Variants in GRM4 observed in about 807,000 individuals in gnomAD.
The protein encoded by GRM4 is glutamate metabotropic receptor 4.
In GRM4, 28 loss-of-function variants were observed where a neutral mutation model predicts 81.7. The observed-to-expected ratio is 0.34, with a 90% CI of 0.25 to 0.47. The LOEUF (loss-of-function observed/expected upper bound fraction) is 0.47. Among genes scored for constraint, GRM4 ranks in the 20% least tolerant of loss-of-function variants. The probability of loss-of-function intolerance (pLI) is 1.00; values close to 1 mark genes in which losing one functional copy is unlikely to be tolerated. For synonymous variants in GRM4, 488 were observed against 528.8 expected, an observed-to-expected ratio of 0.92 and a Z score of 1.06; for missense variants, 948 against 1,290.0, an observed-to-expected ratio of 0.73 and a Z score of 4.06.
Position 34,064,209 on chromosome 6 carries a change from G to A in GRM4, c.737-2181C>T, listed in dbSNP as rs775468788. 7.2e-5 allele frequency among the ~76,000 whole-genome samples: 11 copies of A among 152,142 alleles called. No homozygotes were observed. Among genetic ancestry groups the A allele is most frequent in the South Asian group, 2.1e-4 (1 of 4,820 alleles). On this transcript the variant is annotated intron_variant, in intron 3 of 10. Coordinates refer to ENST00000538487, the MANE Select transcript of GRM4 (RefSeq NM_000841.4). The surrounding 1 kb of genome is among the most constrained non-coding windows in gnomAD (Gnocchi z 4.4). ...TTCAGACCAGAAGGGAGTGCGGGGGGCGGGGGTGTGCAGAGCTCCGTAATA... is the reference window on the plus strand; with the variant it reads ...TTCAGACCAGAAGGGAGTGCGGGGGACGGGGGTGTGCAGAGCTCCGTAATA...
In GRM4 at chr6:34,138,873, T is replaced by C. The variant is rs553757314; in HGVS notation, c.-363-5014A>G. 1.7e-3 allele frequency among the ~76,000 whole-genome samples: 261 copies of C among 152,338 alleles called. 1 individual carries two copies. Among genetic ancestry groups the C allele is most frequent in the South Asian group, 6.8e-3 (33 of 4,832 alleles). Reference sequence around the variant, plus strand: ...CTCTCGTTCAAGTAATCTATCTCTGTGTTTAAGGCCCCTTCCATAAGCAAC... The same window carrying C: ...CTCTCGTTCAAGTAATCTATCTCTGCGTTTAAGGCCCCTTCCATAAGCAAC... On this transcript the variant is annotated intron_variant, in intron 1 of 10. Coordinates refer to ENST00000538487, the MANE Select transcript of GRM4 (RefSeq NM_000841.4).
chr6:34,115,210 C>T lies in GRM4; in HGVS notation c.519+17768G>A, dbSNP rs1309235145. Among the ~76,000 whole-genome samples the T allele has an allele frequency of 1.3e-5, 2 of 152,206 alleles. No individual in the cohort carries two copies. The highest frequency in any genetic ancestry group is 2.1e-4 in the South Asian group (1 of 4,826). ...ACCAGCCAGAACAGCAGCTCCTGGC[C>T]CACTCCACAGCTTGCATGTGTGCGT... On this transcript the variant is annotated intron_variant, in intron 2 of 10. Transcript: ENST00000538487. This position sits in a 1 kb window ranked among gnomAD's most constrained non-coding sequence, Gnocchi z 4.1.
chr6:34,094,598 C>G (rs2127488548), intron 2 of GRM4, among the ~76,000 whole-genome samples: 1 of 152,320 alleles, frequency 6.6e-6, no homozygotes, highest in East Asian at 1.9e-4. Context: ...CCTTTGCACT[C>G]TTCACACTGT....
chr6:34,023,482 G>A (rs751599424), intron 10 of GRM4, among the ~76,000 whole-genome samples: 9 of 152,012 alleles, frequency 5.9e-5, no homozygotes, highest in Non-Finnish European at 1.2e-4. Context: ...AGAAACTGAG[G>A]CATGCGATTG....
At chr6:34,046,349 C>T (rs1050025035) in intron 6 of GRM4, among the ~76,000 whole-genome samples, 31 of 152,306 alleles carry the variant, frequency 2.0e-4, no homozygotes, top group African/African-American at 6.0e-4. Context: ...ACATTTAACA[C>T]GACACTAATA....
At chr6:34,027,995 C>T in intron 10 of GRM4, 125 bp downstream of exon 10, 1 of 1,124,176 alleles carries the variant, frequency 8.9e-7, no homozygotes, top group Non-Finnish European at 1.2e-6. Context: ...CCAGTGTCCC[C>T]CGCCGCCTCC....
Position 34,094,082 on chromosome 6 carries a change from T to C in GRM4, c.520-1983A>G, listed in dbSNP as rs191422196. On this transcript the variant is annotated intron_variant, in intron 2 of 10. Transcript: ENST00000538487. ...CAGCTGTGAAAAGGAATGAGGCTGA[T>C]TTCCAGGCACTGCTCTGGGTGGGTC... 9.8e-5 allele frequency among the ~76,000 whole-genome samples: 15 copies of C among 152,304 alleles called. No homozygotes were observed. In the East Asian group the frequency reaches 2.9e-3, roughly 29 times the overall value.
At position 34,068,728 on chromosome 6, in the gene GRM4, C is replaced by T. The variant is rs1180479928; in HGVS notation, c.737-6700G>A. 6.6e-6 allele frequency among the ~76,000 whole-genome samples: 1 copy of T among 152,154 alleles called. No individual in the cohort carries two copies. Among genetic ancestry groups the T allele is most frequent in the Non-Finnish European group, 1.5e-5 (1 of 68,028 alleles). ...CGGCTTGTGCCCTGCCTCACCCACTCCCTGCTGTGGGGAGACAGTCAGGGG... is the reference window on the plus strand; with the variant it reads ...CGGCTTGTGCCCTGCCTCACCCACTTCCTGCTGTGGGGAGACAGTCAGGGG... On this transcript the variant is annotated intron_variant, in intron 3 of 10. Coordinates refer to ENST00000538487, the MANE Select transcript of GRM4 (RefSeq NM_000841.4). The surrounding 1 kb of genome is among the most constrained non-coding windows in gnomAD (Gnocchi z 4.2).
At chr6:34,024,682 G>A (rs1764045899) in intron 10 of GRM4, 1 of 455,864 alleles carries the variant, frequency 2.2e-6, no homozygotes. Context: ...CTCCTGGCCA[G>A]AGTTGGGTGG....
intron 1 of GRM4, among the ~76,000 whole-genome samples, chr6:34,153,516 G>C (rs1771088334): frequency 6.6e-6 from 1 of 152,266 alleles, no homozygotes; most frequent in African/African-American, 2.4e-5. Context: ...GAACACTGCA[G>C]AGGTCATGGC....
intron 2 of GRM4, among the ~76,000 whole-genome samples, chr6:34,118,826 G>A (rs1461540903): frequency 6.6e-6 from 1 of 152,130 alleles, no homozygotes; most frequent in East Asian, 1.9e-4. Flanking sequence ...CCACCTCCTG[G>A]TTCAACAGCA....
At chr6:34,052,418 C>A (rs1396512934) in intron 6 of GRM4, among the ~76,000 whole-genome samples, 1 of 152,240 alleles carries the variant, frequency 6.6e-6, no homozygotes, top group Non-Finnish European at 1.5e-5. Context: ...TGAATGAAAT[C>A]TTCCCAAGTG....
chr6:34,139,726 G>A (rs1038880231), intron 1 of GRM4, among the ~76,000 whole-genome samples: 28 of 152,246 alleles, frequency 1.8e-4, no homozygotes, highest in African/African-American at 6.3e-4. Context: ...CCTGCCCAGA[G>A]CAAAGCCCAG....
At chr6:34,033,239 G>C (rs1268855747) in intron 9 of GRM4, among the ~76,000 whole-genome samples, 2 of 152,196 alleles carry the variant, frequency 1.3e-5, no homozygotes, top group Non-Finnish European at 2.9e-5. Flanking sequence ...TCAGATCTCA[G>C]ATCTTAGGAC....
At chr6:34,030,097 T>C (rs1764339239) in intron 9 of GRM4, among the ~76,000 whole-genome samples, 3 of 152,344 alleles carry the variant, frequency 2.0e-5, no homozygotes, top group Admixed American at 6.5e-5. Context: ...CCGTCTCTCC[T>C]GCCCAAACTG....
intron 2 of GRM4, among the ~76,000 whole-genome samples, chr6:34,124,187 G>A (rs571503000): frequency 3.9e-4 from 60 of 152,228 alleles, no homozygotes; most frequent in African/African-American, 1.1e-3. Flanking sequence ...GGACTGTCTC[G>A]GACCCACATC....
At chr6:34,027,318 G>A (rs1414551736) in intron 10 of GRM4, among the ~76,000 whole-genome samples, 1 of 152,120 alleles carries the variant, frequency 6.6e-6, no homozygotes, top group South Asian at 2.1e-4. Context: ...AAAGATGGTG[G>A]CACTGCTCCG....
intron 2 of GRM4, among the ~76,000 whole-genome samples, chr6:34,116,106 TCAA>T (rs1356620490): frequency 6.6e-6 from 1 of 152,060 alleles, no homozygotes; most frequent in Non-Finnish European, 1.5e-5. Flanking sequence ...AAGATTTAAT[TCAA>T]CAACCCCCGG....
intron 2 of GRM4, among the ~76,000 whole-genome samples, chr6:34,124,534 C>T (rs1367488370): frequency 2.0e-5 from 3 of 152,206 alleles, no homozygotes; most frequent in African/African-American, 7.2e-5. Context: ...GTGCTTCCTG[C>T]GTGATAAAGT....
Sources: allele counts gnomAD v4.1 joint callset (sites outside exome capture counted in the v4.1 genomes callset), GRCh38; gene constraint gnomAD v4.1.1; non-coding constraint Gnocchi (gnomAD v3.1); transcripts MANE v1.5; gene names NCBI Gene and HGNC (gene_info 2026-07-23, HGNC 2026-07-21).